Variants in WNK3 observed in about 807,000 individuals in gnomAD.
The protein encoded by WNK3 is serine/threonine-protein kinase WNK3.
Under a neutral mutation model 116.7 loss-of-function variants are expected in WNK3, and 18 were observed. The observed-to-expected ratio is 0.15, with a 90% CI of 0.11 to 0.23. WNK3 has a LOEUF of 0.23. WNK3 is among the 10% of genes least tolerant of loss of function. The pLI, the probability that WNK3 is intolerant of heterozygous loss-of-function variation, is 1.00. For synonymous variants in WNK3, 404 were observed against 469.4 expected, an observed-to-expected ratio of 0.86 and a Z score of 1.80; for missense variants, 993 against 1,323.8, an observed-to-expected ratio of 0.75 and a Z score of 3.88.
intron 22 of WNK3, among the ~76,000 whole-genome samples, chrX:54,203,215 A>G (rs1451920930): frequency 1.8e-5 from 2 of 112,299 alleles, no homozygotes; most frequent in African/African-American, 6.5e-5. Context: ...AGAGAATTCC[A>G]TAAGTATACT....
intron 3 of WNK3, among the ~76,000 whole-genome samples, 186 bp downstream of exon 3, chrX:54,310,933 T>C (rs782341645): frequency 6.6e-4 from 74 of 111,324 alleles, no homozygotes; most frequent in Non-Finnish European, 1.2e-3. Context: ...GGTTTCACCA[T>C]GTTGCCCAGG....
At chrX:54,289,152 A>G (rs1371672182) in intron 10 of WNK3, among the ~76,000 whole-genome samples, 1 of 111,192 alleles carries the variant, frequency 9.0e-6, no homozygotes, top group Non-Finnish European at 1.9e-5. Context: ...ACTGCACGTG[A>G]GTCTTTGCCA....
intron 10 of WNK3, among the ~76,000 whole-genome samples, chrX:54,277,412 A>G (rs2068462296): frequency 9.3e-6 from 1 of 107,005 alleles, no homozygotes; most frequent in Non-Finnish European, 1.9e-5. Context: ...ATCTCGGCTC[A>G]CTGCAACCTC....
intron 11 of WNK3, 60 bp from the exon 12 acceptor site, chrX:54,255,947 A>G: frequency 1.0e-6 from 1 of 962,264 alleles, no homozygotes; most frequent in Non-Finnish European, 1.4e-6. Flanking sequence ...TCTAAGAAAA[A>G]CTCCCAATTA....
intron 10 of WNK3, among the ~76,000 whole-genome samples, chrX:54,278,992 C>T (rs895268316): frequency 5.4e-5 from 6 of 110,736 alleles, no homozygotes; most frequent in African/African-American, 2.0e-4. Context: ...CACTTGAACC[C>T]GGGAGGCGGA....
rs111649326 is a variant in WNK3, at chrX:54,253,129, A to G, written c.2367+830T>C. On this transcript the variant is annotated intron_variant, in intron 13 of 23. Coordinates refer to ENST00000354646, the Ensembl canonical transcript of WNK3. ...TCATTCTTACACATTGTATACCTAC[A>G]TCGAAATATCTCATGTACCTCATAA... Among the ~76,000 whole-genome samples the G allele has an allele frequency of 9.1e-3, 997 of 109,244 alleles. 9 individuals are homozygous for G. Among genetic ancestry groups the G allele is most frequent in the African/African-American group, 0.032 (966 of 30,138 alleles). The allele number at this position is 109,244 out of a possible 115,157, so 94.9% of individuals were successfully genotyped here.
intron 2 of WNK3, among the ~76,000 whole-genome samples, chrX:54,331,315 AAG>A (rs199771773): frequency 0.12 from 12,880 of 109,593 alleles, 1,402 homozygotes; most frequent in African/African-American, 0.34. Flanking sequence ...AGATAATGAA[AAG>A]AGATTCAAGA....
chrX:54,248,708 A>G (rs782651850), exon 17 of WNK3: 1 of 1,204,630 alleles, frequency 8.3e-7, no homozygotes, highest in African/African-American at 1.7e-5. Flanking sequence ...TGTAAACACA[A>G]TTCGCTGGGT....
chrX:54,337,557 C>CAAAT (rs56172743), intron 1 of WNK3, among the ~76,000 whole-genome samples: 3,586 of 73,824 alleles, frequency 0.049, 203 homozygotes, highest in African/African-American at 0.15. Context: ...AGACTAGTCT[C>CAAAT]AAATAAATAA....
exon 18 of WNK3, chrX:54,239,075 G>T (rs1293055363): frequency 1.7e-6 from 2 of 1,181,889 alleles, no homozygotes; most frequent in African/African-American, 3.6e-5. Context: ...GGATCCCCTG[G>T]AAGTGAAGCA....
At chrX:54,290,950 T>C (rs1557164907) in intron 10 of WNK3, among the ~76,000 whole-genome samples, 1 of 111,737 alleles carries the variant, frequency 8.9e-6, no homozygotes, top group Non-Finnish European at 1.9e-5. Flanking sequence ...TACATGTGTA[T>C]ATATAAACAA....
intron 22 of WNK3, among the ~76,000 whole-genome samples, chrX:54,218,091 G>A (rs1056912338): frequency 1.8e-5 from 2 of 111,496 alleles, no homozygotes; most frequent in African/African-American, 6.5e-5. Context: ...GTTGACCCTT[G>A]AACAAAACAG....
intron 23 of WNK3, among the ~76,000 whole-genome samples, chrX:54,200,679 C>T (rs939502798): frequency 2.1e-4 from 23 of 111,400 alleles, no homozygotes; most frequent in Non-Finnish European, 4.3e-4. Context: ...ATTCACACAC[C>T]ATTTTCTACT....
intron 21 of WNK3, among the ~76,000 whole-genome samples, chrX:54,229,147 T>A (rs1696621922): frequency 9.0e-6 from 1 of 111,408 alleles, no homozygotes; most frequent in Admixed American, 9.7e-5. Flanking sequence ...TCTATCAATG[T>A]GTGATTGGAA....
At chrX:54,326,989 T>C (rs782377726) in intron 2 of WNK3, among the ~76,000 whole-genome samples, 1 of 111,065 alleles carries the variant, frequency 9.0e-6, no homozygotes, top group African/African-American at 3.3e-5. Context: ...CATAGGAGTT[T>C]GAGGTTGCAG....
exon 22 of WNK3, chrX:54,228,743 C>T (rs1557148354): frequency 1.0e-5 from 5 of 483,226 alleles, no homozygotes; most frequent in Non-Finnish European, 1.9e-5. Flanking sequence ...GCAGCTTTTC[C>T]CTGATATCAA....
At chrX:54,306,067 A>C (rs781959810) in intron 5 of WNK3, among the ~76,000 whole-genome samples, 2 of 110,988 alleles carry the variant, frequency 1.8e-5, no homozygotes, top group South Asian at 7.8e-4. Flanking sequence ...AAAATAAATA[A>C]ATAAAGCATG....
intron 10 of WNK3, among the ~76,000 whole-genome samples, chrX:54,273,330 C>T (rs1288748674): frequency 8.9e-6 from 1 of 111,905 alleles, no homozygotes; most frequent in African/African-American, 3.2e-5. Flanking sequence ...CGGTGGCTCA[C>T]GCCTGTAATC....
chrX:54,325,796 T>C (rs1034304271), intron 2 of WNK3, among the ~76,000 whole-genome samples: 2 of 110,095 alleles, frequency 1.8e-5, no homozygotes, highest in South Asian at 7.7e-4. Flanking sequence ...ACTGGTTGTA[T>C]TTCCATGTGT....
Sources: allele counts gnomAD v4.1 joint callset (sites outside exome capture counted in the v4.1 genomes callset), GRCh38; gene constraint gnomAD v4.1.1; transcripts MANE v1.5; gene names NCBI Gene and HGNC (gene_info 2026-07-23, HGNC 2026-07-21).